The following ADAMTS19 variants were observed in gnomAD, a reference collection of about 807,000 sequenced individuals.
ADAMTS19 encodes the protein A disintegrin and metalloproteinase with thrombospondin motifs 19.
Under a neutral mutation model 153.3 loss-of-function variants are expected in ADAMTS19, and 93 were observed. That is an observed-to-expected ratio of 0.61 (90% CI 0.51 to 0.72). ADAMTS19 has a LOEUF of 0.72. Among genes scored for constraint, ADAMTS19 ranks in the 30% least tolerant of loss-of-function variants. The probability of loss-of-function intolerance (pLI) is 0.00; values close to 1 mark genes in which losing one functional copy is unlikely to be tolerated. For missense variants in ADAMTS19, 1,482 were observed against 1,552.1 expected (o/e 0.95, Z 0.76); for synonymous variants, 600 against 556.6 (o/e 1.08, Z -1.10).
chr5:129,619,854 T>C (rs1216603669), intron 8 of ADAMTS19, among the ~76,000 whole-genome samples: 2 of 151,988 alleles, frequency 1.3e-5, no homozygotes, highest in African/African-American at 4.8e-5. Context: ...GGCTATGTGA[T>C]AATTCAGGAA....
At chr5:129,691,905 T>TG (rs903067187) in intron 18 of ADAMTS19, among the ~76,000 whole-genome samples, 3 of 152,214 alleles carry the variant, frequency 2.0e-5, no homozygotes, top group South Asian at 4.1e-4. Context: ...TTTCTGAGGA[T>TG]GGGGAAAAAA....
chr5:129,485,588 G>C (rs1750563286), intron 2 of ADAMTS19, among the ~76,000 whole-genome samples: 1 of 151,810 alleles, frequency 6.6e-6, no homozygotes, highest in Non-Finnish European at 1.5e-5. Flanking sequence ...GAAAAATAGA[G>C]AAAATACAAA....
intron 7 of ADAMTS19, among the ~76,000 whole-genome samples, chr5:129,594,882 T>C (rs1750301942): frequency 6.6e-6 from 1 of 152,096 alleles, no homozygotes; most frequent in East Asian, 1.9e-4. Context: ...TAATTTCAGT[T>C]ACCTTAATAA....
chr5:129,662,509 A>G (rs1182509637), intron 15 of ADAMTS19, among the ~76,000 whole-genome samples: 1 of 152,234 alleles, frequency 6.6e-6, no homozygotes, highest in Non-Finnish European at 1.5e-5. Flanking sequence ...TCAATAATAG[A>G]GAATCGCTGT....
chr5:129,530,086 C>T (rs1390902419), intron 6 of ADAMTS19, among the ~76,000 whole-genome samples: 1 of 151,990 alleles, frequency 6.6e-6, no homozygotes, highest in Non-Finnish European at 1.5e-5. Flanking sequence ...TGAACTGCCT[C>T]CTAAAACAGC....
Position 129,735,089 on chromosome 5 carries a change from C to T in ADAMTS19, c.3470C>T (p.Thr1157Ile), listed in dbSNP as rs1421275401. The T allele has an allele frequency of 6.3e-7, 1 of 1,598,252 alleles. No individual in the cohort carries two copies. The highest frequency in any genetic ancestry group is 1.1e-5 in the South Asian group (1 of 87,734). Residue 1157 changes from threonine (T) to isoleucine (I), a missense_variant, in exon 22 of 23, where the codon ACC becomes ATC. By Grantham distance (89) the Thr-to-Ile change is moderately conservative. This residue lies in a region of ADAMTS19 where 616 missense variants were observed against 724.4 expected (regional missense o/e 0.85). Transcript: ENST00000274487. ...TGCAATGAGAAAATTAATGTAAATA[C>T]CATAACATCACCCAGACTGGGTAAG... ...QPCNEKINVN[T>I]ITSPRLAALT...
At chr5:129,558,925 GAGAC>G (rs35947483) in intron 7 of ADAMTS19, among the ~76,000 whole-genome samples, 134,135 of 151,620 alleles carry the variant, frequency 0.88, 59,614 homozygotes, top group African/African-American at 0.95. Flanking sequence ...TTTTGATGTA[GAGAC>G]AGACAGATTT....
chr5:129,514,565 C>T (rs1460682547), intron 3 of ADAMTS19, among the ~76,000 whole-genome samples: 1 of 152,028 alleles, frequency 6.6e-6, no homozygotes, highest in Non-Finnish European at 1.5e-5. Context: ...TTTCATGTGC[C>T]TATTTGCCAT....
At chr5:129,581,578 G>C (rs1341260894) in intron 7 of ADAMTS19, among the ~76,000 whole-genome samples, 1 of 149,994 alleles carries the variant, frequency 6.7e-6, no homozygotes, top group East Asian at 1.9e-4. Context: ...ATTTTTTGAA[G>C]GGTTTTTCGT....
At chr5:129,473,130 T>C (rs1750120893) in intron 2 of ADAMTS19, among the ~76,000 whole-genome samples, 1 of 151,820 alleles carries the variant, frequency 6.6e-6, no homozygotes, top group African/African-American at 2.4e-5. Flanking sequence ...AGGTCTTTTC[T>C]ACTCATTCAC....
intron 3 of ADAMTS19, among the ~76,000 whole-genome samples, chr5:129,513,094 C>G (rs559103580): frequency 7.2e-5 from 11 of 152,002 alleles, no homozygotes; most frequent in African/African-American, 1.9e-4. Context: ...AACTCTGAAA[C>G]TGAACCCATC....
At chr5:129,612,969 T>C (rs184873919) in intron 8 of ADAMTS19, among the ~76,000 whole-genome samples, 4 of 152,198 alleles carry the variant, frequency 2.6e-5, no homozygotes, top group South Asian at 2.1e-4. Context: ...AAGGGATCAA[T>C]TGAAAAAGAA....
intron 2 of ADAMTS19, among the ~76,000 whole-genome samples, chr5:129,494,295 C>T (rs545216398): frequency 2.1e-4 from 32 of 152,228 alleles, no homozygotes; most frequent in Non-Finnish European, 3.7e-4. Context: ...CTTAGCTTAT[C>T]ATCAGTAACA....
chr5:129,572,673 G>C (rs1012254641), intron 7 of ADAMTS19, among the ~76,000 whole-genome samples: 1 of 151,872 alleles, frequency 6.6e-6, no homozygotes, highest in Non-Finnish European at 1.5e-5. Flanking sequence ...AGTCTCAAAG[G>C]TTACTTACTG....
chr5:129,728,831 A>G (rs28659823), intron 21 of ADAMTS19, among the ~76,000 whole-genome samples: 3,688 of 152,222 alleles, frequency 0.024, 154 homozygotes, highest in African/African-American at 0.083. Flanking sequence ...CCATGAACAT[A>G]ATGAGTGGTC....
chr5:129,611,158 C>T (rs1025717420), intron 8 of ADAMTS19, among the ~76,000 whole-genome samples: 2 of 149,406 alleles, frequency 1.3e-5, no homozygotes, highest in African/African-American at 2.5e-5. Flanking sequence ...TTGTAAATTT[C>T]GTTGAGTTCT....
chr5:129,510,449 T>G (rs925839097), intron 3 of ADAMTS19, among the ~76,000 whole-genome samples: 1 of 151,900 alleles, frequency 6.6e-6, no homozygotes, highest in Admixed American at 6.6e-5. Flanking sequence ...CAGTATTCCA[T>G]GTCCACAAAA....
chr5:129,464,489 G>A (rs899191004), intron 2 of ADAMTS19, among the ~76,000 whole-genome samples: 5 of 152,160 alleles, frequency 3.3e-5, no homozygotes, highest in Non-Finnish European at 5.9e-5. Flanking sequence ...ACCCTCTCTT[G>A]ATAGTAAGCT....
intron 21 of ADAMTS19, among the ~76,000 whole-genome samples, chr5:129,710,022 T>C (rs1756366425): frequency 6.6e-6 from 1 of 152,036 alleles, no homozygotes; most frequent in Non-Finnish European, 1.5e-5. Flanking sequence ...TGCAGGTTTG[T>C]TACATAGATA....
Sources: gnomAD v4.1 joint callset for allele counts (sites outside exome capture counted in the v4.1 genomes callset) on GRCh38, gnomAD v4.1.1 for gene constraint, gnomAD v4.1.1 regional missense constraint, MANE v1.5 for transcripts, NCBI Gene and HGNC (gene_info 2026-07-23, HGNC 2026-07-21) for gene names.